The following DPH6 variants were observed in gnomAD, a reference collection of about 807,000 sequenced individuals.
The protein encoded by DPH6 is diphthine--ammonia ligase.
A neutral mutation model predicts 38.2 loss-of-function variants in DPH6; 33 were observed. The observed-to-expected ratio is 0.86, with a 90% CI of 0.65 to 1.15. The LOEUF (loss-of-function observed/expected upper bound fraction) is 1.15. Ranked by LOEUF, DPH6 falls within the 50% of genes most tolerant of loss-of-function variation. The pLI, the probability that DPH6 is intolerant of heterozygous loss-of-function variation, is 0.00. For synonymous variants in DPH6, 108 were observed against 103.0 expected, an observed-to-expected ratio of 1.05 and a Z score of -0.30; for missense variants, 325 against 320.0, an observed-to-expected ratio of 1.02 and a Z score of -0.12.
intron 3 of DPH6, among the ~76,000 whole-genome samples, chr15:35,511,710 A>T (rs1248455022): frequency 3.3e-5 from 5 of 152,132 alleles, no homozygotes. Flanking sequence ...TCATTTAAAA[A>T]AAAAAGTGTC....
chr15:35,169,249 G>A, the DPH6 span, among the ~76,000 whole-genome samples: 1 of 151,998 alleles, frequency 6.6e-6, no homozygotes, highest in Non-Finnish European at 1.5e-5. Context: ...TTAAAAACGA[G>A]CATACAGGTG....
At chr15:35,442,939 CA>C (rs2053806642) in intron 5 of DPH6, among the ~76,000 whole-genome samples, 1 of 152,146 alleles carries the variant, frequency 6.6e-6, no homozygotes, top group African/African-American at 2.4e-5. Flanking sequence ...TTGGGGAACA[CA>C]AATTCTAAAA....
At chr15:35,338,108 G>C (rs1187724112) in intron 3 of DPH6, among the ~76,000 whole-genome samples, 2 of 152,046 alleles carry the variant, frequency 1.3e-5, no homozygotes, top group Admixed American at 6.6e-5. Context: ...TACCATTCAG[G>C]ACATAGGCAT....
intron 3 of DPH6, among the ~76,000 whole-genome samples, chr15:35,221,268 C>T (rs2051440373): frequency 6.6e-6 from 1 of 152,176 alleles, no homozygotes; most frequent in African/African-American, 2.4e-5. Context: ...ATTGCTGGGG[C>T]TACCTGTTGG....
chr15:35,361,917 A>G (rs1194002011), intron 3 of DPH6, among the ~76,000 whole-genome samples: 1 of 145,916 alleles, frequency 6.9e-6, no homozygotes, highest in African/African-American at 2.8e-5. Flanking sequence ...TTGTCAAGTA[A>G]TTCATATTAA....
At chr15:35,282,844 G>T (rs185412638) in intron 3 of DPH6, 61 of 342,002 alleles carry the variant, frequency 1.8e-4, no homozygotes, top group African/African-American at 1.3e-3. Context: ...CATCAGCCTG[G>T]TTGTGGGCCA....
At chr15:35,543,289 T>TATATATATATATATAA (rs2055293585) in intron 1 of DPH6, among the ~76,000 whole-genome samples, 2 of 62,806 alleles carry the variant, frequency 3.2e-5, no homozygotes, top group Non-Finnish European at 7.5e-5. Context: ...TATATATATA[T>TATATATATATATATAA]ATATATATAT....
chr15:35,292,221 C>T (rs1477534292), intron 3 of DPH6, among the ~76,000 whole-genome samples: 1 of 152,024 alleles, frequency 6.6e-6, no homozygotes, highest in Non-Finnish European at 1.5e-5. Flanking sequence ...ATAGTTGTAT[C>T]CAAAGTAAAC....
intron 6 of DPH6, chr15:35,401,384 A>G (rs2053217018): frequency 8.0e-6 from 6 of 752,520 alleles, no homozygotes; most frequent in Admixed American, 1.8e-5. Flanking sequence ...AATGGCTATA[A>G]TGATTTTGGT....
intron 3 of DPH6, among the ~76,000 whole-genome samples, chr15:35,472,218 A>AT (rs1477825154): frequency 6.6e-6 from 1 of 152,226 alleles, no homozygotes; most frequent in Non-Finnish European, 1.5e-5. Context: ...CAGGGAATTG[A>AT]TTACACAGGT....
intron 3 of DPH6, among the ~76,000 whole-genome samples, chr15:35,351,002 C>T (rs756969153): frequency 5.9e-5 from 9 of 152,032 alleles, no homozygotes; most frequent in Admixed American, 2.6e-4. Flanking sequence ...CTGATCTATA[C>T]GTTATTGAAA....
At chr15:35,477,362 A>T (rs1392278380) in intron 3 of DPH6, among the ~76,000 whole-genome samples, 1 of 151,786 alleles carries the variant, frequency 6.6e-6, no homozygotes, top group Non-Finnish European at 1.5e-5. Flanking sequence ...TTGTTATACA[A>T]CACGAAATAT....
chr15:35,208,693 T>G, the DPH6 span, among the ~76,000 whole-genome samples: 2 of 152,244 alleles, frequency 1.3e-5, no homozygotes, highest in South Asian at 4.1e-4. Flanking sequence ...TACATGATTT[T>G]AATTGTATCT....
chr15:35,216,017 C>T (rs12164932), downstream of DPH6, among the ~76,000 whole-genome samples: 355 of 152,302 alleles, frequency 2.3e-3, 1 homozygote, highest in African/African-American at 7.8e-3. Flanking sequence ...AGTTTCTGTA[C>T]ATTTAGTACA....
At chr15:35,460,455 TAA>T (rs1051512381) in intron 3 of DPH6, among the ~76,000 whole-genome samples, 2 of 152,178 alleles carry the variant, frequency 1.3e-5, no homozygotes, top group Non-Finnish European at 2.9e-5. Context: ...GGCACATTGC[TAA>T]ACCACAGGGG....
At chr15:35,401,656 G>C in intron 6 of DPH6, 1 of 751,218 alleles carries the variant, frequency 1.3e-6, no homozygotes, top group Non-Finnish European at 2.4e-6. Context: ...TTTGGAGGCA[G>C]AAACTCTGGC....
At chr15:35,277,576 C>G (rs1238565213) in intron 3 of DPH6, among the ~76,000 whole-genome samples, 2 of 152,074 alleles carry the variant, frequency 1.3e-5, no homozygotes, top group Admixed American at 1.3e-4. Context: ...TTGGAAGAGT[C>G]TGGAGGTCTG....
At chr15:35,505,433 T>C (rs1172102566) in intron 3 of DPH6, among the ~76,000 whole-genome samples, 1 of 152,106 alleles carries the variant, frequency 6.6e-6, no homozygotes, top group Non-Finnish European at 1.5e-5. Flanking sequence ...CCCCAGCAGT[T>C]TGGTTACTTA....
downstream of DPH6, among the ~76,000 whole-genome samples, chr15:35,214,111 CAAAAAA>C (rs202243463): frequency 3.5e-5 from 3 of 85,520 alleles, no homozygotes; most frequent in African/African-American, 1.0e-4. Context: ...GACTCCGTCT[CAAAAAA>C]AAAAAAAAAA....
Sources: allele counts gnomAD v4.1 joint callset (sites outside exome capture counted in the v4.1 genomes callset), GRCh38; gene constraint gnomAD v4.1.1; transcripts MANE v1.5; gene names NCBI Gene and HGNC (gene_info 2026-07-23, HGNC 2026-07-21).